AFF3: variants seen among roughly 807,000 people sequenced by gnomAD.
AFF3 encodes the protein AF4/FMR2 family member 3.
In AFF3, 32 loss-of-function variants were observed where a neutral mutation model predicts 129.7. The ratio of observed to expected loss-of-function variants is 0.25; its 90% CI spans 0.19 to 0.33. AFF3 has a LOEUF of 0.33. AFF3 is among the 10% of genes least tolerant of loss of function. The pLI, the probability that AFF3 is intolerant of heterozygous loss-of-function variation, is 1.00. For synonymous variants in AFF3, 644 were observed against 635.4 expected (o/e 1.01, Z -0.20); for missense variants, 1,373 against 1,592.0 (o/e 0.86, Z 2.34).
At chr2:99,553,530 A>G (rs1301850542) in intron 24 of AFF3, among the ~76,000 whole-genome samples, 1 of 152,156 alleles carries the variant, frequency 6.6e-6, no homozygotes, top group Non-Finnish European at 1.5e-5. Context: ...AGTTAACAGC[A>G]TATGTTGATA....
intron 8 of AFF3, among the ~76,000 whole-genome samples, chr2:99,780,208 C>G (rs1293952665): frequency 2.0e-5 from 3 of 152,150 alleles, no homozygotes. Flanking sequence ...ATCTAAACTC[C>G]CTGTCCTGAT....
intron 8 of AFF3, among the ~76,000 whole-genome samples, chr2:99,791,112 C>T (rs1279140469): frequency 6.6e-6 from 1 of 152,206 alleles, no homozygotes; most frequent in Non-Finnish European, 1.5e-5. Context: ...CTAGGCTATA[C>T]AGACCACAGG....
intron 11 of AFF3, among the ~76,000 whole-genome samples, chr2:99,685,631 T>A (rs183895612): frequency 1.8e-4 from 27 of 152,330 alleles, no homozygotes; most frequent in Admixed American, 1.6e-3. Flanking sequence ...CCTAACTTTT[T>A]AAACATATTC....
intron 11 of AFF3, among the ~76,000 whole-genome samples, chr2:99,716,646 G>A (rs1678417628): frequency 6.6e-6 from 1 of 151,898 alleles, no homozygotes. Context: ...ACTTTGGGAG[G>A]CCAAGGTGGG....
chr2:99,697,697 G>A (rs993524138), intron 11 of AFF3, among the ~76,000 whole-genome samples: 1 of 152,240 alleles, frequency 6.6e-6, no homozygotes, highest in African/African-American at 2.4e-5. Flanking sequence ...GGTGTGAAGA[G>A]CTGAGAATCA....
intron 4 of AFF3, among the ~76,000 whole-genome samples, chr2:100,043,395 C>T (rs1685592720): frequency 6.6e-6 from 1 of 152,188 alleles, no homozygotes; most frequent in Admixed American, 6.5e-5. Flanking sequence ...CTGTGTTACT[C>T]CCAGGCTTGA....
In AFF3 at chr2:99,549,604, G is replaced by T; in HGVS notation, c.*1870C>A. The stretch of plus-strand genomic sequence containing the variant: ...GTCTCAAAAAAAAAGTGAAAGGGTT[G>T]TAAGAAGCACCCCAGTTGGAGACAT... On this transcript the variant is annotated 3_prime_UTR_variant, in exon 25 of 25. Transcript: ENST00000672756. 1 of 198,622 alleles carries T rather than the reference G, an allele frequency of 5.0e-6. No individual in the cohort carries two copies. The highest frequency in any genetic ancestry group is 2.4e-5 in the African/African-American group (1 of 42,538). 12.3% of individuals were successfully genotyped at this position (198,622 alleles called of 1,614,324 possible). A position where few individuals can be genotyped will look rare whatever the true frequency, so the allele number is the denominator to read the frequency against.
chr2:100,053,739 CACTT>C (rs1236183318), intron 4 of AFF3, among the ~76,000 whole-genome samples: 2 of 152,218 alleles, frequency 1.3e-5, no homozygotes, highest in Non-Finnish European at 2.9e-5. Context: ...GCCCTGCACT[CACTT>C]AATTATTCAC....
intron 13 of AFF3, among the ~76,000 whole-genome samples, chr2:99,638,307 A>G (rs1683854498): frequency 6.6e-6 from 1 of 152,072 alleles, no homozygotes; most frequent in Non-Finnish European, 1.5e-5. Flanking sequence ...TGATATGCCC[A>G]CCTCGACCTC....
At chr2:99,740,141 C>G (rs1176350888) in intron 10 of AFF3, among the ~76,000 whole-genome samples, 2 of 151,520 alleles carry the variant, frequency 1.3e-5, no homozygotes, top group Non-Finnish European at 2.9e-5. Flanking sequence ...AGGACGTGAA[C>G]TCATCATTTT....
intron 7 of AFF3, among the ~76,000 whole-genome samples, chr2:99,986,201 A>AAATAATAATAATAAT (rs35535526): frequency 1.0e-4 from 14 of 137,102 alleles, no homozygotes; most frequent in South Asian, 5.1e-4. Flanking sequence ...ACTTCATCTC[A>AAATAATAATAATAAT]AATAATAATA....
chr2:99,783,137 A>C (rs1201910338), intron 8 of AFF3, among the ~76,000 whole-genome samples: 2 of 152,214 alleles, frequency 1.3e-5, no homozygotes, highest in Non-Finnish European at 2.9e-5. Flanking sequence ...CAGAGAAGTA[A>C]ATGAGAAAGC....
intron 4 of AFF3, among the ~76,000 whole-genome samples, chr2:100,023,692 C>T (rs924347094): frequency 6.6e-6 from 1 of 152,140 alleles, no homozygotes; most frequent in Non-Finnish European, 1.5e-5. Flanking sequence ...GACTCTGTGC[C>T]TTACCCCCTC....
chr2:99,577,679 C>T (rs372812320), intron 18 of AFF3, among the ~76,000 whole-genome samples: 6 of 152,288 alleles, frequency 3.9e-5, no homozygotes, highest in East Asian at 1.9e-4. Context: ...CCCTACGAGC[C>T]GAAATAATTT....
At chr2:99,919,354 T>G (rs188989696) in intron 7 of AFF3, among the ~76,000 whole-genome samples, 1 of 152,276 alleles carries the variant, frequency 6.6e-6, no homozygotes, top group East Asian at 1.9e-4. Flanking sequence ...TTTTATGCCC[T>G]CTTGTCTATA....
At chr2:100,113,482 G>C (rs1417993963) in intron 2 of AFF3, among the ~76,000 whole-genome samples, 1 of 152,228 alleles carries the variant, frequency 6.6e-6, no homozygotes, top group Non-Finnish European at 1.5e-5. Context: ...GCTATGATGA[G>C]AGAAGTGCAG....
intron 7 of AFF3, among the ~76,000 whole-genome samples, chr2:99,928,510 G>A (rs538346752): frequency 1.3e-5 from 2 of 152,252 alleles, no homozygotes; most frequent in South Asian, 4.1e-4. Context: ...ACTAGAACAA[G>A]TTGTTGTTCT....
chr2:99,968,120 A>T (rs1284512577), intron 7 of AFF3, among the ~76,000 whole-genome samples: 1 of 152,116 alleles, frequency 6.6e-6, no homozygotes, highest in African/African-American at 2.4e-5. Flanking sequence ...CCTCCTCTCA[A>T]GGCCCACTCA....
intron 7 of AFF3, among the ~76,000 whole-genome samples, chr2:99,935,539 T>A (rs2106320283): frequency 6.6e-6 from 1 of 152,228 alleles, no homozygotes; most frequent in Middle Eastern, 3.4e-3. Context: ...CATGTACAAT[T>A]TAGGAAGAAG....
Sources: allele counts gnomAD v4.1 joint callset (sites outside exome capture counted in the v4.1 genomes callset), GRCh38; gene constraint gnomAD v4.1.1; transcripts MANE v1.5; gene names NCBI Gene and HGNC (gene_info 2026-07-23, HGNC 2026-07-21).